MPPED1: variants seen among roughly 807,000 people sequenced by gnomAD.
The protein encoded by MPPED1 is metallophosphoesterase domain containing 1.
In MPPED1, 16 loss-of-function variants were observed where a neutral mutation model predicts 36.2. That is an observed-to-expected ratio of 0.44 (90% CI 0.30 to 0.67). The LOEUF (loss-of-function observed/expected upper bound fraction) is 0.67, where lower values mean the gene tolerates loss of function less well. MPPED1 is among the 30% of genes least tolerant of loss of function. The pLI, the probability that MPPED1 is intolerant of heterozygous loss-of-function variation, is 0.10. For missense variants in MPPED1, 307 were observed against 453.4 expected (o/e 0.68, Z 2.93); for synonymous variants, 199 against 191.3 (o/e 1.04, Z -0.33).
At chr22:43,496,086 T>C in intron 4 of MPPED1, among the ~76,000 whole-genome samples, 1 of 77,518 alleles carries the variant, frequency 1.3e-5, no homozygotes. Flanking sequence ...GTAGTGGTGG[T>C]GGAGGTAGTG....
chr22:43,443,307 T>G (rs1257622727), intron 3 of MPPED1, among the ~76,000 whole-genome samples: 1 of 152,194 alleles, frequency 6.6e-6, no homozygotes, highest in East Asian at 1.9e-4. Context: ...ACTGGGGGGC[T>G]TAGGCAGGGA....
intron 3 of MPPED1, among the ~76,000 whole-genome samples, chr22:43,463,804 TTCTTTTCTTTCTTTCTTTC>T (rs1931042190): frequency 6.7e-6 from 1 of 148,296 alleles, no homozygotes; most frequent in African/African-American, 2.5e-5. Context: ...TTTTCATTTT[TTCTTTTCTTTCTTTCTTTC>T]TTTCTTTCTT....
intron 4 of MPPED1, among the ~76,000 whole-genome samples, chr22:43,485,528 C>A (rs1481429029): frequency 6.6e-6 from 1 of 151,540 alleles, no homozygotes; most frequent in Non-Finnish European, 1.5e-5. Flanking sequence ...CACACACACA[C>A]ATTCACACTC....
chr22:43,507,162 G>C lies in MPPED1; in HGVS notation c.*1546G>C, dbSNP rs1932828031. ...CACAGCACAAAAGGAGCCGAGGCAG[G>C]ATCTGACCCTTGTTCTCTGGCCTCA... On this transcript the variant is annotated 3_prime_UTR_variant, in exon 7 of 7. Transcript: ENST00000443721. 1 of 152,276 alleles carries C rather than the reference G, an allele frequency of 6.6e-6. No individual in the cohort carries two copies. The highest frequency in any genetic ancestry group is 2.4e-5 in the African/African-American group (1 of 41,476). The allele number at this position is 152,276 out of a possible 1,614,324, so 9.4% of individuals were successfully genotyped here. A position where few individuals can be genotyped will look rare whatever the true frequency, so the allele number is the denominator to read the frequency against.
rs561097462 is a variant in MPPED1, at chr22:43,451,152, G to A, written c.406+15937G>A. On this transcript the variant is annotated intron_variant, in intron 3 of 6. Transcript: ENST00000443721. Reference sequence around the variant, plus strand: ...CTCCTGAGTAGCTGGGACTACAGGCGTGCGCCACCACACCCAGTTAATTTT... The same window carrying A: ...CTCCTGAGTAGCTGGGACTACAGGCATGCGCCACCACACCCAGTTAATTTT... Among the ~76,000 whole-genome samples, 90 of 151,898 alleles carry A rather than the reference G, an allele frequency of 5.9e-4. 1 individual carries two copies. The highest frequency in any genetic ancestry group is 1.8e-3 in the African/African-American group (75 of 41,416).
chr22:43,419,328 C>G (rs1341403157), intron 1 of MPPED1: 2 of 152,190 alleles, frequency 1.3e-5, no homozygotes, highest in African/African-American at 2.4e-5. Flanking sequence ...CCTGACCCAG[C>G]CAGGGGAGGT....
chr22:43,420,529 C>T (rs1179772110), intron 1 of MPPED1, among the ~76,000 whole-genome samples: 5 of 152,106 alleles, frequency 3.3e-5, no homozygotes, highest in East Asian at 3.9e-4. Flanking sequence ...CTCACCCTCC[C>T]GAGTAGCTGG....
At chr22:43,469,988 C>G (rs997127445) in intron 3 of MPPED1, among the ~76,000 whole-genome samples, 1 of 151,796 alleles carries the variant, frequency 6.6e-6, no homozygotes, top group Non-Finnish European at 1.5e-5. Flanking sequence ...CATCTACCCA[C>G]CCACCAACCC....
chr22:43,460,759 T>C lies in MPPED1; in HGVS notation c.407-13977T>C, dbSNP rs135032. Among the ~76,000 whole-genome samples, 1,335 of 152,264 alleles carry C rather than the reference T, an allele frequency of 8.8e-3. 11 individuals are homozygous for C. The highest frequency in any genetic ancestry group is 0.024 in the Middle Eastern group (7 of 294). On this transcript the variant is annotated intron_variant, in intron 3 of 6. Transcript: ENST00000443721. Reference sequence around the variant, plus strand: ...CCTACCATTGTGTTGAGGCACATCCTCAACACCCTAGCACTTTACAAAAGC... The same window carrying C: ...CCTACCATTGTGTTGAGGCACATCCCCAACACCCTAGCACTTTACAAAAGC...
intron 1 of MPPED1, among the ~76,000 whole-genome samples, chr22:43,421,233 C>G (rs1401492203): frequency 1.3e-5 from 2 of 152,272 alleles, no homozygotes; most frequent in Non-Finnish European, 2.9e-5. Flanking sequence ...GAATGCTCGC[C>G]TCCTCGCACG....
chr22:43,439,474 A>G (rs1446056342), intron 3 of MPPED1, among the ~76,000 whole-genome samples: 2 of 152,242 alleles, frequency 1.3e-5, no homozygotes, highest in African/African-American at 4.8e-5. Context: ...TGGATGGATC[A>G]GTCAGCAGTG....
chr22:43,494,654 G>T (rs189368718), intron 4 of MPPED1, among the ~76,000 whole-genome samples: 22 of 133,926 alleles, frequency 1.6e-4, no homozygotes, highest in Non-Finnish European at 2.5e-4. Flanking sequence ...GGTCCTGGGG[G>T]TTGGCAACAT....
At chr22:43,488,394 C>T (rs1287293743) in intron 4 of MPPED1, among the ~76,000 whole-genome samples, 1 of 152,192 alleles carries the variant, frequency 6.6e-6, no homozygotes, top group Non-Finnish European at 1.5e-5. Context: ...AGGGTAGGCT[C>T]GGCTTCTGCC....
chr22:43,421,269 A>G (rs1820388123), intron 1 of MPPED1, among the ~76,000 whole-genome samples: 1 of 152,266 alleles, frequency 6.6e-6, no homozygotes, highest in African/African-American at 2.4e-5. Context: ...CTGCGGCTCC[A>G]TAAATATTAA....
rs77415102 is a variant in MPPED1, at chr22:43,507,807, T to C, written c.*2191T>C. The stretch of plus-strand genomic sequence containing the variant: ...GTGGCTGTAATTTTTTTTTTTTTTT[T>C]TGTCAAGCATGTCAGACAATAAAGT... On this transcript the variant is annotated 3_prime_UTR_variant, in exon 7 of 7. Transcript: ENST00000443721. 2 of 139,108 alleles carry C rather than the reference T, an allele frequency of 1.4e-5. No individual in the cohort carries two copies. Among genetic ancestry groups the C allele is most frequent in the South Asian group, 4.6e-4 (2 of 4,320 alleles). 8.6% of individuals were successfully genotyped at this position (139,108 alleles called of 1,614,324 possible). A position where few individuals can be genotyped will look rare whatever the true frequency, so the allele number is the denominator to read the frequency against.
At chr22:43,440,441 C>A (rs1163678750) in intron 3 of MPPED1, among the ~76,000 whole-genome samples, 1 of 152,122 alleles carries the variant, frequency 6.6e-6, no homozygotes, top group Non-Finnish European at 1.5e-5. Flanking sequence ...AGGCTGAACA[C>A]CCAGAAGCAC....
chr22:43,429,088 C>T (rs1205646648), intron 2 of MPPED1, among the ~76,000 whole-genome samples: 1 of 152,208 alleles, frequency 6.6e-6, no homozygotes, highest in East Asian at 1.9e-4. Flanking sequence ...GAAGCTACAG[C>T]AGAGTGGGAT....
rs912896702 is a variant in MPPED1, at chr22:43,471,720, C to G, written c.407-3016C>G. On this transcript the variant is annotated intron_variant, in intron 3 of 6. Transcript: ENST00000443721. ...AGGGCTTCTCTGTACCATGCCTGGTCGCACTGTGGGGCTGTGGGAGGCTTC... is the reference window on the plus strand; with the variant it reads ...AGGGCTTCTCTGTACCATGCCTGGTGGCACTGTGGGGCTGTGGGAGGCTTC... 2.6e-5 allele frequency among the ~76,000 whole-genome samples: 4 copies of G among 152,210 alleles called. No homozygotes were observed. The South Asian group carries it at 8.3e-4, about 32-fold the overall frequency.
At chr22:43,472,953 TAAGGG>T (rs68076178) in intron 3 of MPPED1, among the ~76,000 whole-genome samples, 9,570 of 152,260 alleles carry the variant, frequency 0.063, 425 homozygotes, top group Non-Finnish European at 0.095. Flanking sequence ...GGAGCTCACG[TAAGGG>T]CTGGGGAGGC....
Sources: gnomAD v4.1 joint callset for allele counts (sites outside exome capture counted in the v4.1 genomes callset) on GRCh38, gnomAD v4.1.1 for gene constraint, MANE v1.5 for transcripts, NCBI Gene and HGNC (gene_info 2026-07-23, HGNC 2026-07-21) for gene names.